Variants in GNRH1 observed in about 807,000 individuals in gnomAD.
The protein encoded by GNRH1 is gonadotropin releasing hormone 1.
A neutral mutation model predicts 13.6 loss-of-function variants in GNRH1; 9 were observed. The observed-to-expected ratio is 0.66, with a 90% confidence interval of 0.40 to 1.15. The LOEUF (loss-of-function observed/expected upper bound fraction) is 1.15. Ranked by LOEUF, GNRH1 falls within the 50% of genes most tolerant of loss-of-function variation. The pLI, the probability that GNRH1 is intolerant of heterozygous loss-of-function variation, is 0.01. For missense variants in GNRH1, 116 were observed against 110.8 expected, an observed-to-expected ratio of 1.05 and a Z score of -0.21; for synonymous variants, 44 against 40.1, an observed-to-expected ratio of 1.10 and a Z score of -0.37.
rs950291175 is a variant in GNRH1 at position 25,423,212 on chromosome 8, T to C, written c.119A>G (p.Asn40Ser). The C allele has an allele frequency of 2.0e-5, 33 of 1,612,508 alleles. No individual in the cohort carries two copies. Among genetic ancestry groups the C allele is most frequent in the Non-Finnish European group, 2.8e-5 (33 of 1,178,654 alleles). ...TACCTCTTGGAAAGAATCAATCAAA[T>C]TTTCGGCATCTCTCTTTCCTCCAGG... ...LRPGGKRDAENLIDSFQEIVK... is the reference protein window; with the variant it reads ...LRPGGKRDAESLIDSFQEIVK... The change falls in exon 2 of 4, where the codon AAT becomes AGT. Residue 40 changes from asparagine to serine, a missense_variant. Physicochemically the swap from Asn to Ser is conservative, Grantham distance 46. Coordinates refer to ENST00000421054, the MANE Select transcript of GNRH1 (RefSeq NM_001083111.2).
intron 1 of GNRH1, 65 bp downstream of exon 1, chr8:25,424,136 G>A (rs1801811683): frequency 6.6e-6 from 1 of 152,154 alleles, no homozygotes; most frequent in Admixed American, 6.6e-5. Context: ...ATGCCCTGTA[G>A]ACATACAATA....
At position 25,421,683 on chromosome 8, in the gene GNRH1, T is replaced by G; in HGVS notation, c.142-15A>C. 1 of 1,337,112 alleles carries G rather than the reference T, an allele frequency of 7.5e-7. No homozygotes were observed. Among genetic ancestry groups the G allele is most frequent in the Non-Finnish European group, 1.1e-6 (1 of 930,420 alleles). 82.8% of individuals were successfully genotyped at this position (1,337,112 alleles called of 1,614,324 possible). On this transcript the variant is annotated splice_polypyrimidine_tract_variant and intron_variant, in intron 2 of 3. Coordinates refer to ENST00000421054, the MANE Select transcript of GNRH1 (RefSeq NM_001083111.2). ...TCTTTGACTATCTGAAGAAAGAGAA[T>G]GTGATGCTTTGAGATGGAGATAAAG...
chr8:25,422,642 T>G (rs563977640), intron 2 of GNRH1, among the ~76,000 whole-genome samples: 1 of 152,312 alleles, frequency 6.6e-6, no homozygotes, highest in Non-Finnish European at 1.5e-5. Flanking sequence ...ATCAGCATGT[T>G]TTCTACTACG....
At chr8:25,423,440 A>G (rs1270911905) in intron 1 of GNRH1, 109 bp from the exon 2 acceptor site, 3 of 963,024 alleles carry the variant, frequency 3.1e-6, no homozygotes, top group Admixed American at 2.0e-5. Context: ...CCTGCAGAAG[A>G]TGGAAGTCAG....
chr8:25,421,325 A>G (rs1801769162), intron 3 of GNRH1, among the ~76,000 whole-genome samples: 1 of 152,214 alleles, frequency 6.6e-6, no homozygotes, highest in Non-Finnish European at 1.5e-5. Context: ...ATTAAGAGAT[A>G]AAAGTTACAG....
chr8:25,420,785 A>T (rs1801759659), intron 3 of GNRH1, among the ~76,000 whole-genome samples: 1 of 152,104 alleles, frequency 6.6e-6, no homozygotes, highest in African/African-American at 2.4e-5. Flanking sequence ...GCTACTAGAG[A>T]GGCTAATCTA....
intron 3 of GNRH1, among the ~76,000 whole-genome samples, chr8:25,421,131 GTC>G (rs1474246614): frequency 3.6e-4 from 55 of 152,038 alleles, no homozygotes; most frequent in Non-Finnish European, 1.0e-4. Context: ...TGTTTCTCAT[GTC>G]TCTATTCCCC....
chr8:25,421,753 TGGGG>T, intron 2 of GNRH1, 85 bp from the exon 3 acceptor site: 1 of 268,500 alleles, frequency 3.7e-6, no homozygotes, highest in African/African-American at 4.3e-5. Context: ...TTGTGGAGAG[TGGGG>T]TCAAGGGGGA....
At chr8:25,422,273 T>C (rs908919122) in intron 2 of GNRH1, among the ~76,000 whole-genome samples, 3 of 152,176 alleles carry the variant, frequency 2.0e-5, no homozygotes, top group African/African-American at 7.2e-5. Flanking sequence ...TGAGTGGTCA[T>C]ATTTTATAAA....
Position 25,422,474 on chromosome 8 carries a change from A to G in GNRH1, c.141+716T>C, listed in dbSNP as rs556670839. 2.2e-4 allele frequency among the ~76,000 whole-genome samples: 33 copies of G among 152,280 alleles called. No individual in the cohort carries two copies. In the East Asian group the frequency reaches 6.2e-3, roughly 28 times the overall value. Reference sequence around the variant, plus strand: ...GAGGTGGGAGGATCACTTGAGCCCAAGAAGTCAAGGCTGCAGTGAGCTGTG... The same window carrying G: ...GAGGTGGGAGGATCACTTGAGCCCAGGAAGTCAAGGCTGCAGTGAGCTGTG... On this transcript the variant is annotated intron_variant, in intron 2 of 3. Coordinates refer to ENST00000421054, the MANE Select transcript of GNRH1 (RefSeq NM_001083111.2).
chr8:25,422,281 A>G (rs567112701), intron 2 of GNRH1, among the ~76,000 whole-genome samples: 4 of 152,264 alleles, frequency 2.6e-5, no homozygotes, highest in African/African-American at 9.6e-5. Context: ...CATATTTTAT[A>G]AACAAAAATC....
Position 25,419,423 on chromosome 8 carries a change from ATCT to A in GNRH1, c.272_274del (p.Lys91del), listed in dbSNP as rs762423253. 71 of 1,476,882 alleles carry A rather than the reference ATCT, an allele frequency of 4.8e-5. No homozygotes were observed. Among genetic ancestry groups the A allele is most frequent in the African/African-American group, 4.4e-4 (32 of 72,330 alleles). 91.5% of individuals were successfully genotyped at this position (1,476,882 alleles called of 1,614,324 possible). On this transcript the variant is annotated inframe_deletion, in exon 4 of 4. Coordinates refer to ENST00000421054, the MANE Select transcript of GNRH1 (RefSeq NM_001083111.2). ...ATTCCTTCTGGCCCAATGGATTTAAATCTTCTTCTGCCCAGTTTCCTCTTCAAT... is the reference window on the plus strand; with the variant it reads ...ATTCCTTCTGGCCCAATGGATTTAAATCTTCTGCCCAGTTTCCTCTTCAAT...
upstream of GNRH1, chr8:25,424,532 T>A (rs1266746272): frequency 1.3e-5 from 2 of 152,194 alleles, no homozygotes; most frequent in Admixed American, 1.3e-4. Context: ...TCCAGCTAGA[T>A]TGGATTCCCT....
At chr8:25,421,757 GTCAAGGGGGATGTGGGGCT>G in intron 2 of GNRH1, 89 bp from the exon 3 acceptor site, 1 of 471,230 alleles carries the variant, frequency 2.1e-6, no homozygotes, top group Non-Finnish European at 4.3e-6. Context: ...GGAGAGTGGG[GTCAAGGGGGATGTGGGGCT>G]GGGGGAGATT....
At position 25,421,619 on chromosome 8, in the gene GNRH1, G is replaced by A. The variant is rs968781161; in HGVS notation, c.191C>T (p.Thr64Ile). The A allele has an allele frequency of 3.1e-6, 5 of 1,606,822 alleles. No homozygotes were observed. The highest frequency in any genetic ancestry group is 1.3e-5 in the African/African-American group (1 of 74,834). ...QLAETQRFEC[T>I]THQPRSPLRD... ...GAGGGGAGAACGTGGCTGGTGCGTGGTGCATTCGAAGCGTTGGGTTTCTGC... is the reference window on the plus strand; with the variant it reads ...GAGGGGAGAACGTGGCTGGTGCGTGATGCATTCGAAGCGTTGGGTTTCTGC... The change falls in exon 3 of 4, where the codon ACC (threonine) becomes ATC (isoleucine). Residue 64 changes from threonine (T) to isoleucine (I), a missense_variant. Physicochemically the swap from Thr to Ile is moderately conservative, Grantham distance 89. Coordinates refer to ENST00000421054, the MANE Select transcript of GNRH1 (RefSeq NM_001083111.2).
chr8:25,424,800 C>T (rs1466497861), upstream of GNRH1: 12 of 152,188 alleles, frequency 7.9e-5, no homozygotes, highest in Admixed American at 2.0e-4. Flanking sequence ...TATACCAAGT[C>T]CATGTAGGAT....
At chr8:25,423,948 G>T (rs1801809271) in intron 1 of GNRH1, 1 of 152,574 alleles carries the variant, frequency 6.6e-6, no homozygotes, top group African/African-American at 2.4e-5. Flanking sequence ...CTAATGAAAT[G>T]TGTCTCCAAG....
chr8:25,421,099 A>G (rs1459489624), intron 3 of GNRH1, among the ~76,000 whole-genome samples: 1 of 152,086 alleles, frequency 6.6e-6, no homozygotes, highest in Non-Finnish European at 1.5e-5. Context: ...AAAGAAGAGA[A>G]AAAAAAACCC....
At chr8:25,421,819 A>G (rs953609646) in intron 2 of GNRH1, 151 bp from the exon 3 acceptor site, 9 of 641,206 alleles carry the variant, frequency 1.4e-5, no homozygotes, top group Non-Finnish European at 2.6e-5. Flanking sequence ...AGGGACTTTA[A>G]GGACACAGAT....
Sources: allele counts gnomAD v4.1 joint callset (sites outside exome capture counted in the v4.1 genomes callset), GRCh38; gene constraint gnomAD v4.1.1; transcripts MANE v1.5; gene names NCBI Gene and HGNC (gene_info 2026-07-23, HGNC 2026-07-21).